Variants in TLN2 observed in about 807,000 individuals in gnomAD.
TLN2 encodes the protein talin-2.
Under a neutral mutation model 294.7 loss-of-function variants are expected in TLN2, and 118 were observed. The observed-to-expected ratio is 0.40, with a 90% CI of 0.34 to 0.47. TLN2 has a LOEUF of 0.47. Ranked by LOEUF, TLN2 falls within the 20% of genes least tolerant of loss-of-function variation. The pLI is 0.84. For synonymous variants in TLN2, 1,431 were observed against 1,304.5 expected (o/e 1.10, Z -2.09); for missense variants, 3,083 against 3,282.2 (o/e 0.94, Z 1.48).
chr15:62,717,398 C>G (rs2059847699), intron 23 of TLN2, among the ~76,000 whole-genome samples, 178 bp from the exon 24 acceptor site: 1 of 152,184 alleles, frequency 6.6e-6, no homozygotes. Flanking sequence ...AGGACGTCAA[C>G]ACAAGGAAGA....
chr15:62,656,068 G>T lies in TLN2; in HGVS notation c.642G>T (p.Leu214=), dbSNP rs1420784486. Residue 214 remains leucine, a synonymous_variant, in exon 8 of 59, where the codon CTG becomes CTT. Transcript: ENST00000636159. ...QNVDSRDPVQ[L]NLLYVQARDD... is the part of the protein sequence containing the mutation. ...TAGATTCGAGAGACCCCGTGCAGCT[G>T]AACTTGCTTTATGTTCAGGTACAGT... 6.2e-7 allele frequency: 1 copy of T among 1,614,084 alleles called. No individual in the cohort carries two copies. The highest frequency in any genetic ancestry group is 1.3e-5 in the African/African-American group (1 of 74,930).
At chr15:62,812,583 A>G (rs2066776617) in intron 52 of TLN2, among the ~76,000 whole-genome samples, 1 of 152,214 alleles carries the variant, frequency 6.6e-6, no homozygotes, top group Non-Finnish European at 1.5e-5. Flanking sequence ...CATTTGTCTT[A>G]GGGAGAAGTG....
chr15:62,747,166 A>G (rs2061662973), intron 32 of TLN2, among the ~76,000 whole-genome samples: 1 of 152,204 alleles, frequency 6.6e-6, no homozygotes. Context: ...TATCCATGTC[A>G]TTACTTCAGA....
intron 28 of TLN2, 150 bp from the exon 29 acceptor site, chr15:62,736,728 C>T (rs904945921): frequency 3.5e-6 from 3 of 867,534 alleles, no homozygotes; most frequent in Non-Finnish European, 5.3e-6. Flanking sequence ...AAGCCAGCTA[C>T]TTCTTTGAGA....
At chr15:62,476,954 G>A (rs553806565) in intron 1 of TLN2, among the ~76,000 whole-genome samples, 4 of 152,168 alleles carry the variant, frequency 2.6e-5, no homozygotes, top group South Asian at 2.1e-4. Context: ...TGATCCTTCC[G>A]TGTGTCTGTC....
intron 1 of TLN2, among the ~76,000 whole-genome samples, chr15:62,442,523 G>A (rs761390324): frequency 1.8e-4 from 26 of 148,176 alleles, no homozygotes; most frequent in Non-Finnish European, 3.1e-4. Context: ...AAAAATTAGA[G>A]GATGTCCAGC....
chr15:62,572,920 G>A (rs1268387418), intron 1 of TLN2, among the ~76,000 whole-genome samples: 1 of 152,086 alleles, frequency 6.6e-6, no homozygotes, highest in African/African-American at 2.4e-5. Context: ...TCCCAGCCTT[G>A]TGCTGTCCTC....
intron 1 of TLN2, among the ~76,000 whole-genome samples, chr15:62,524,184 A>G (rs6494322): frequency 0.53 from 79,872 of 152,108 alleles, 21,973 homozygotes; most frequent in African/African-American, 0.7. Flanking sequence ...CTATTCCAGC[A>G]TTCCTGTGCC....
chr15:62,693,068 G>A (rs2009523), intron 13 of TLN2, 127 bp downstream of exon 13: 236,993 of 702,288 alleles, frequency 0.34, 43,359 homozygotes, highest in East Asian at 0.65. Context: ...GGTGGCTCAC[G>A]CCTGTAATCC....
chr15:62,795,253 C>T (rs532778505), intron 46 of TLN2, among the ~76,000 whole-genome samples: 33 of 152,178 alleles, frequency 2.2e-4, no homozygotes, highest in African/African-American at 6.7e-4. Flanking sequence ...GCAGGCAGAG[C>T]GCAGACCCAG....
chr15:62,527,306 G>T (rs1385635654), intron 1 of TLN2, among the ~76,000 whole-genome samples: 1 of 152,090 alleles, frequency 6.6e-6, no homozygotes, highest in Non-Finnish European at 1.5e-5. Flanking sequence ...TGGGTTTCTT[G>T]GCTGGTTGAG....
chr15:62,590,106 G>A (rs1204874130), intron 2 of TLN2, among the ~76,000 whole-genome samples: 3 of 152,142 alleles, frequency 2.0e-5, no homozygotes, highest in Admixed American at 6.5e-5. Context: ...TTAGTGTGAC[G>A]TGAGGGGGTA....
At chr15:62,529,305 G>A (rs754848589) in intron 1 of TLN2, among the ~76,000 whole-genome samples, 24 of 152,226 alleles carry the variant, frequency 1.6e-4, no homozygotes, top group Admixed American at 7.9e-4. Context: ...TGTTGCCAGG[G>A]CTGGTCTCGA....
rs1196323119 is a variant in TLN2 at position 62,652,035 on chromosome 15, C to A, written c.265C>A (p.Pro89Thr). 2 of 1,610,994 alleles carry A rather than the reference C, an allele frequency of 1.2e-6. No homozygotes were observed. The highest frequency in any genetic ancestry group is 1.7e-6 in the Non-Finnish European group (2 of 1,178,170). Residue 89 changes from proline to threonine, a missense_variant, in exon 6 of 59, where the codon CCT becomes ACT. Pro to Thr is a conservative substitution (Grantham distance 38). Coordinates refer to ENST00000636159, the MANE Select transcript of TLN2 (RefSeq NM_015059.3). The stretch of plus-strand genomic sequence containing the variant: ...TTTGGAATATAAAAAGAAACAGAGA[C>A]CTCAGAAAATCCGGATGCTGGATGG... ...DILEYKKKQRPQKIRMLDGSV... is the reference protein window; with the variant it reads ...DILEYKKKQRTQKIRMLDGSV...
At chr15:62,706,916 C>T (rs2059110252) in intron 19 of TLN2, among the ~76,000 whole-genome samples, 170 bp from the exon 20 acceptor site, 1 of 152,082 alleles carries the variant, frequency 6.6e-6, no homozygotes, top group African/African-American at 2.4e-5. Flanking sequence ...GGATACAAGT[C>T]TCCTTTTTTA....
intron 1 of TLN2, among the ~76,000 whole-genome samples, chr15:62,500,986 G>A (rs569666954): frequency 5.9e-5 from 9 of 152,170 alleles, no homozygotes; most frequent in Admixed American, 1.3e-4. Flanking sequence ...TTGAAGTCCC[G>A]CCAGGGCACT....
chr15:62,833,414 A>G, intron 54 of TLN2, 90 bp from the exon 55 acceptor site: 1 of 1,540,828 alleles, frequency 6.5e-7, no homozygotes, highest in Non-Finnish European at 8.8e-7. Context: ...AGGCAGGTGA[A>G]GAGCCAGGTG....
chr15:62,755,817 A>G (rs2062212142), intron 37 of TLN2, 124 bp downstream of exon 37: 3 of 1,310,564 alleles, frequency 2.3e-6, no homozygotes, highest in Non-Finnish European at 3.1e-6. Context: ...ATTCAGTCTT[A>G]TGGTTTGTGT....
chr15:62,753,736 C>T (rs558075039), intron 35 of TLN2, 37 bp from the exon 36 acceptor site: 26 of 1,568,784 alleles, frequency 1.7e-5, no homozygotes, highest in Middle Eastern at 4.1e-4. Context: ...CCTAGGAGCA[C>T]GGAGCCTGAG....
Sources: allele counts gnomAD v4.1 joint callset (sites outside exome capture counted in the v4.1 genomes callset), GRCh38; gene constraint gnomAD v4.1.1; transcripts MANE v1.5; gene names NCBI Gene and HGNC (gene_info 2026-07-23, HGNC 2026-07-21).